Variants in SLC5A4 observed in about 807,000 individuals in gnomAD.
SLC5A4 encodes solute carrier family 5 member 4.
In SLC5A4, 55 loss-of-function variants were observed where a neutral mutation model predicts 70.3. The observed-to-expected ratio is 0.78, with a 90% confidence interval of 0.63 to 0.98. SLC5A4 has a LOEUF of 0.98. Among genes scored for constraint, SLC5A4 ranks in the 50% least tolerant of loss-of-function variants. The probability of loss-of-function intolerance (pLI) is 0.00; values close to 1 mark genes in which losing one functional copy is unlikely to be tolerated. For missense variants in SLC5A4, 735 were observed against 839.2 expected (o/e 0.88, Z 1.53); for synonymous variants, 268 against 305.7 (o/e 0.88, Z 1.29).
chr22:32,232,988 T>G lies in SLC5A4; in HGVS notation c.932A>C (p.Lys311Thr). Residue 311 changes from lysine to threonine, a missense_variant, in exon 9 of 15, where the codon AAG (lysine) becomes ACG (threonine). By Grantham distance (78) the Lys-to-Thr change is moderately conservative. Transcript: ENST00000266086. The part of the protein sequence containing the change: ...CLCGKDMSHV[K>T]AACIMCAYLK... ...GTAAGCACACATAATGCAAGCGGCC[T>G]TCACGTGAGACATGTCCTTGCCACA... 1 of 1,614,102 alleles carries G rather than the reference T, an allele frequency of 6.2e-7. No homozygotes were observed. The highest frequency in any genetic ancestry group is 8.5e-7 in the Non-Finnish European group (1 of 1,179,970).
At chr22:32,348,828 AAAT>A in the SLC5A4 span, among the ~76,000 whole-genome samples, 1 of 152,230 alleles carries the variant, frequency 6.6e-6, no homozygotes, top group East Asian at 1.9e-4. Flanking sequence ...TGGAAGAACT[AAAT>A]AATACCCTTT....
chr22:32,279,058 C>T, the SLC5A4 span, among the ~76,000 whole-genome samples: 1 of 151,998 alleles, frequency 6.6e-6, no homozygotes, highest in Admixed American at 6.6e-5. Flanking sequence ...GAACGGATCA[C>T]GAGGTCAGGA....
chr22:32,309,674 C>A, the SLC5A4 span, among the ~76,000 whole-genome samples: 1 of 152,102 alleles, frequency 6.6e-6, no homozygotes, highest in Non-Finnish European at 1.5e-5. Context: ...CACCTGCTTT[C>A]CACACCGAGT....
the SLC5A4 span, among the ~76,000 whole-genome samples, chr22:32,294,717 G>A: frequency 6.9e-6 from 1 of 145,746 alleles, no homozygotes; most frequent in African/African-American, 2.5e-5. Context: ...ACATTGTGCA[G>A]GTTAGTTACA....
At chr22:32,254,395 A>C (rs549992603) in intron 1 of SLC5A4, among the ~76,000 whole-genome samples, 182 bp from the exon 2 acceptor site, 1 of 152,266 alleles carries the variant, frequency 6.6e-6, no homozygotes, top group Non-Finnish European at 1.5e-5. Context: ...CTTTGTAAAA[A>C]CCCAGGGCTG....
At chr22:32,286,992 C>A in the SLC5A4 span, among the ~76,000 whole-genome samples, 1 of 152,050 alleles carries the variant, frequency 6.6e-6, no homozygotes, top group Admixed American at 6.5e-5. Context: ...AAGGTAAGTG[C>A]CATGATATTG....
the SLC5A4 span, among the ~76,000 whole-genome samples, chr22:32,302,937 G>A: frequency 6.6e-6 from 1 of 152,198 alleles, no homozygotes. Context: ...TCTTTGTTGA[G>A]TATTTCAATC....
intron 2 of SLC5A4, 94 bp from the exon 3 acceptor site, chr22:32,251,968 G>T (rs542651731): frequency 3.9e-5 from 34 of 875,502 alleles, no homozygotes; most frequent in Admixed American, 7.8e-5. Flanking sequence ...GGTGGCTCAC[G>T]CCTGTAATCC....
At chr22:32,236,440 T>A (rs1460770696) in intron 7 of SLC5A4, among the ~76,000 whole-genome samples, 1 of 152,128 alleles carries the variant, frequency 6.6e-6, no homozygotes, top group Admixed American at 6.5e-5. Context: ...AGGTTATGGA[T>A]GTTTTGGATG....
intron 14 of SLC5A4, among the ~76,000 whole-genome samples, chr22:32,219,304 A>G (rs1261727239): frequency 6.6e-6 from 1 of 152,170 alleles, no homozygotes; most frequent in Non-Finnish European, 1.5e-5. Flanking sequence ...GAACCCTTTG[A>G]CCCAACAACG....
At chr22:32,290,232 A>C in the SLC5A4 span, among the ~76,000 whole-genome samples, 1 of 152,056 alleles carries the variant, frequency 6.6e-6, no homozygotes, top group Admixed American at 6.6e-5. Flanking sequence ...TGTTTGTCCT[A>C]ATGCTCTCCC....
At chr22:32,274,904 C>T in the SLC5A4 span, among the ~76,000 whole-genome samples, 1 of 147,448 alleles carries the variant, frequency 6.8e-6, no homozygotes, top group Non-Finnish European at 1.5e-5. Flanking sequence ...GTATCCTGGC[C>T]TTTCTTTAAA....
chr22:32,270,040 G>T, the SLC5A4 span: 1 of 484,788 alleles, frequency 2.1e-6, no homozygotes. Flanking sequence ...TATCTGTGAG[G>T]CTGCTGACAA....
At chr22:32,320,096 A>G in the SLC5A4 span, among the ~76,000 whole-genome samples, 1 of 152,232 alleles carries the variant, frequency 6.6e-6, no homozygotes, top group Middle Eastern at 3.2e-3. Context: ...ACTGTCAAAC[A>G]GCAAATCCAA....
chr22:32,283,697 G>A, the SLC5A4 span, among the ~76,000 whole-genome samples: 5 of 152,116 alleles, frequency 3.3e-5, no homozygotes, highest in African/African-American at 1.2e-4. Flanking sequence ...AAGATAATTA[G>A]GACTTGATTA....
chr22:32,251,831 T>G lies in SLC5A4; in HGVS notation c.251A>C (p.Tyr84Ser). ...TGCTCCTGTCCCAGCCAGCCCCACA[T>G]AGTGGTTGCTGCCGATGTTACTGGC... is the stretch of plus-strand genomic sequence containing the variant. ...LFASNIGSNH[Y>S]VGLAGTGAAS... The change falls in exon 3 of 15, where the codon TAT becomes TCT. Residue 84 changes from tyrosine (Y) to serine (S), a missense_variant. By Grantham distance (144) the Tyr-to-Ser change is moderately radical (BLOSUM62 -2). Transcript: ENST00000266086. 1 of 1,613,824 alleles carries G rather than the reference T, an allele frequency of 6.2e-7. No homozygotes were observed. The highest frequency in any genetic ancestry group is 1.1e-5 in the South Asian group (1 of 91,078).
the SLC5A4 span, among the ~76,000 whole-genome samples, chr22:32,305,313 GTCTC>G: frequency 1.5e-5 from 2 of 130,238 alleles, no homozygotes; most frequent in Non-Finnish European, 3.2e-5. Context: ...CGGGCTTGTA[GTCTC>G]TCTGCCTGTC....
At chr22:32,338,019 G>A in the SLC5A4 span, among the ~76,000 whole-genome samples, 435 of 152,214 alleles carry the variant, frequency 2.9e-3, 3 homozygotes, top group Middle Eastern at 0.014. Context: ...TTGAGTCAGT[G>A]TGATGCAGCC....
At chr22:32,332,421 T>C in the SLC5A4 span, among the ~76,000 whole-genome samples, 3 of 150,958 alleles carry the variant, frequency 2.0e-5, no homozygotes, top group Non-Finnish European at 2.9e-5. Context: ...TCCCACTTCC[T>C]CCCCTGGTCT....
Sources: allele counts gnomAD v4.1 joint callset (sites outside exome capture counted in the v4.1 genomes callset), GRCh38; gene constraint gnomAD v4.1.1; transcripts MANE v1.5; gene names NCBI Gene and HGNC (gene_info 2026-07-23, HGNC 2026-07-21).